Variants in CLEC16A observed in about 807,000 individuals in gnomAD.
CLEC16A encodes C-type lectin domain containing 16A, also known as protein CLEC16A.
In CLEC16A, 51 loss-of-function variants were observed where a neutral mutation model predicts 109.5. That is an observed-to-expected ratio of 0.47 (90% CI 0.37 to 0.59). CLEC16A has a LOEUF of 0.59. CLEC16A is among the 20% of genes least tolerant of loss of function. The pLI is 0.00. For missense variants in CLEC16A, 1,339 were observed against 1,394.0 expected (o/e 0.96, Z 0.63); for synonymous variants, 673 against 564.2 (o/e 1.19, Z -2.73).
At position 11,060,937 on chromosome 16, in the gene CLEC16A, A is replaced by G. The variant is rs1186365897; in HGVS notation, c.2031A>G (p.Ser677=). 10 of 1,612,546 alleles carry G rather than the reference A, an allele frequency of 6.2e-6. No individual in the cohort carries two copies. Among genetic ancestry groups the G allele is most frequent in the Non-Finnish European group, 5.9e-6 (7 of 1,179,420 alleles). The part of the protein sequence containing the change: ...IRVFFMLRSL[S]LQLRGEPETQ... ...TGTTCTTCATGCTGCGTTCCCTGTC[A>G]CTGCAATTGCGAGGGGAGCCTGAGA... Residue 677 remains serine (S), a synonymous_variant, in exon 19 of 24, where the codon TCA becomes TCG. Coordinates refer to ENST00000409790, the MANE Select transcript of CLEC16A (RefSeq NM_015226.3).
chr16:11,093,205 AGAGT>A (rs879645224), intron 19 of CLEC16A, among the ~76,000 whole-genome samples: 1 of 152,230 alleles, frequency 6.6e-6, no homozygotes, highest in African/African-American at 2.4e-5. Context: ...TCAGCACAGC[AGAGT>A]GAGAGAGAGA....
At chr16:11,140,846 C>T (rs1007142163) in intron 22 of CLEC16A, among the ~76,000 whole-genome samples, 3 of 152,220 alleles carry the variant, frequency 2.0e-5, no homozygotes, top group Non-Finnish European at 2.9e-5. Context: ...CCACACCTAC[C>T]CCTAGACAAC....
intron 19 of CLEC16A, among the ~76,000 whole-genome samples, chr16:11,105,505 G>A (rs1364038107): frequency 6.6e-6 from 1 of 152,194 alleles, no homozygotes; most frequent in Non-Finnish European, 1.5e-5. Context: ...TTGACACGGG[G>A]GAAAGATGAA....
intron 14 of CLEC16A, 29 bp downstream of exon 14, chr16:11,039,905 A>G (rs764581167): frequency 1.4e-5 from 22 of 1,606,382 alleles, no homozygotes; most frequent in Non-Finnish European, 1.6e-5. Context: ...GTCTGTCCAC[A>G]GGGCCACGCA....
intron 19 of CLEC16A, among the ~76,000 whole-genome samples, chr16:11,099,715 G>A (rs1216736238): frequency 2.0e-5 from 3 of 152,238 alleles, no homozygotes; most frequent in Admixed American, 1.3e-4. Flanking sequence ...TGAAAGCCCA[G>A]ATTTGTGTGG....
At chr16:11,083,589 C>T (rs2049851852) in intron 19 of CLEC16A, among the ~76,000 whole-genome samples, 1 of 152,236 alleles carries the variant, frequency 6.6e-6, no homozygotes, top group African/African-American at 2.4e-5. Flanking sequence ...CGAAGCTTCA[C>T]CTCCTCTCAC....
chr16:10,985,879 T>A (rs1391001604), intron 10 of CLEC16A, among the ~76,000 whole-genome samples: 1 of 150,852 alleles, frequency 6.6e-6, no homozygotes, highest in Non-Finnish European at 1.5e-5. Context: ...CTAATTTTTG[T>A]ATTTTTAGTA....
chr16:11,105,709 A>G (rs947158108), intron 19 of CLEC16A, among the ~76,000 whole-genome samples: 3 of 152,172 alleles, frequency 2.0e-5, no homozygotes, highest in Non-Finnish European at 4.4e-5. Flanking sequence ...CAGCCTCCCC[A>G]AGCCTTCAGC....
chr16:11,125,605 G>T (rs955026599), intron 21 of CLEC16A, among the ~76,000 whole-genome samples: 4 of 152,194 alleles, frequency 2.6e-5, no homozygotes, highest in Admixed American at 2.0e-4. Context: ...AACTCTCTGG[G>T]CAGACTCGGC....
chr16:11,072,318 T>C (rs1477436108), intron 19 of CLEC16A, among the ~76,000 whole-genome samples: 3 of 151,944 alleles, frequency 2.0e-5, no homozygotes, highest in Non-Finnish European at 4.4e-5. Flanking sequence ...GGGGTCTCTC[T>C]ATGTTGCCCA....
At position 11,126,074 on chromosome 16, in the gene CLEC16A, G is replaced by A. The variant is rs371498848; in HGVS notation, c.2569G>A (p.Asp857Asn). The change falls in exon 22 of 24, where the codon GAC becomes AAC. Residue 857 changes from aspartate to asparagine, a missense_variant. Around this residue, in one of 3 missense-constraint regions of CLEC16A, gnomAD observed 1,061 missense variants for 1,006.8 expected, o/e 1.05. Transcript: ENST00000409790. ...STQHLPFRFY[D>N]QGRRGSSDPT... ...TCAGCACCTGCCTTTCCGCTTCTAC[G>A]ACCAGGGGCGCCGGGGCAGCAGCGA... 2.2e-5 allele frequency: 35 copies of A among 1,613,738 alleles called. No homozygotes were observed. The highest frequency in any genetic ancestry group is 2.7e-5 in the Non-Finnish European group (32 of 1,179,864).
chr16:11,033,028 C>T (rs970750037), intron 13 of CLEC16A, among the ~76,000 whole-genome samples: 3 of 151,856 alleles, frequency 2.0e-5, no homozygotes, highest in African/African-American at 7.3e-5. Flanking sequence ...GAGAGACTTG[C>T]TAAGAAGCTG....
rs191678873 is a variant in CLEC16A, at chr16:11,169,348, G to A, written c.2806+2796G>A. On this transcript the variant is annotated intron_variant, in intron 23 of 23. Transcript: ENST00000409790. ...GTTGCCCAGGCTGAAGTGCAGTGTC[G>A]CAGTCTCGGCTCACTGCAACCTCCA... 1.8e-4 allele frequency among the ~76,000 whole-genome samples: 27 copies of A among 152,182 alleles called. No individual in the cohort carries two copies. In the East Asian group the frequency reaches 3.3e-3, roughly 19 times the overall value.
intron 19 of CLEC16A, among the ~76,000 whole-genome samples, chr16:11,072,940 A>T (rs2049151664): frequency 6.6e-6 from 1 of 152,214 alleles, no homozygotes; most frequent in Non-Finnish European, 1.5e-5. Flanking sequence ...TCTTGGAAAG[A>T]TGACTTTCAG....
intron 22 of CLEC16A, among the ~76,000 whole-genome samples, chr16:11,142,740 T>G (rs1567384420): frequency 6.6e-6 from 1 of 152,244 alleles, no homozygotes; most frequent in Non-Finnish European, 1.5e-5. Context: ...CTTATTGTCT[T>G]CATGGATCTA....
chr16:11,141,552 C>T lies in CLEC16A; in HGVS notation c.2641+15406C>T, dbSNP rs546231870. ...AAGGAGACATGTGAGTTTCATTCTG[C>T]GTGCTCTGGGTGGCCTCGGGGCCGC... On this transcript the variant is annotated intron_variant, in intron 22 of 23. Coordinates refer to ENST00000409790, the MANE Select transcript of CLEC16A (RefSeq NM_015226.3). Among the ~76,000 whole-genome samples the T allele has an allele frequency of 5.9e-5, 9 of 152,324 alleles. No homozygotes were observed. The South Asian group carries it at 1.2e-3, about 21-fold the overall frequency.
intron 18 of CLEC16A, among the ~76,000 whole-genome samples, chr16:11,052,314 G>A (rs1428278549): frequency 6.6e-6 from 1 of 152,190 alleles, no homozygotes; most frequent in African/African-American, 2.4e-5. Flanking sequence ...ATGAGTATTT[G>A]TGTATAGTTC....
chr16:11,077,921 T>C (rs1407683389), intron 19 of CLEC16A, among the ~76,000 whole-genome samples: 3 of 150,974 alleles, frequency 2.0e-5, no homozygotes, highest in South Asian at 2.1e-4. Flanking sequence ...GAGTTATGAC[T>C]AGCCTGGCCA....
chr16:11,003,520 C>T (rs1439332235), intron 11 of CLEC16A, among the ~76,000 whole-genome samples: 2 of 152,156 alleles, frequency 1.3e-5, no homozygotes, highest in African/African-American at 2.4e-5. Flanking sequence ...GGGCAAGTCC[C>T]GCCCTCATGG....
Sources: gnomAD v4.1 joint callset for allele counts (sites outside exome capture counted in the v4.1 genomes callset) on GRCh38, gnomAD v4.1.1 for gene constraint, gnomAD v4.1.1 regional missense constraint, MANE v1.5 for transcripts, NCBI Gene and HGNC (gene_info 2026-07-23, HGNC 2026-07-21) for gene names.